The following KHDRBS2 variants were observed in gnomAD, a reference collection of about 807,000 sequenced individuals.
KHDRBS2 encodes the protein KH RNA binding domain containing, signal transduction associated 2, also known as KH domain-containing, RNA-binding, signal transduction-associated protein 2.
In KHDRBS2, 26 loss-of-function variants were observed where a neutral mutation model predicts 44.3. That is an observed-to-expected ratio of 0.59 (90% CI 0.43 to 0.81). The LOEUF is 0.81. Ranked by LOEUF, KHDRBS2 falls within the 40% of genes least tolerant of loss-of-function variation. The probability of loss-of-function intolerance (pLI) is 0.00; values close to 1 mark genes in which losing one functional copy is unlikely to be tolerated. For synonymous variants in KHDRBS2, 194 were observed against 151.1 expected (o/e 1.28, Z -2.08); for missense variants, 476 against 433.1 (o/e 1.10, Z -0.88).
At chr6:62,084,832 C>T (rs1798104121) in intron 2 of KHDRBS2, among the ~76,000 whole-genome samples, 1 of 151,792 alleles carries the variant, frequency 6.6e-6, no homozygotes, top group Admixed American at 6.6e-5. Flanking sequence ...TGTATTTCAC[C>T]CATTACAGAA....
intron 2 of KHDRBS2, among the ~76,000 whole-genome samples, chr6:62,133,276 A>G (rs1810760846): frequency 6.6e-6 from 1 of 152,110 alleles, no homozygotes; most frequent in Admixed American, 6.6e-5. Context: ...GTGGGAGATA[A>G]CTGAATCATG....
the KHDRBS2 span, among the ~76,000 whole-genome samples, chr6:61,564,103 A>G: frequency 6.6e-6 from 1 of 152,094 alleles, no homozygotes; most frequent in African/African-American, 2.4e-5. Flanking sequence ...GTCTCTGTTA[A>G]ATGCCTCAGC....
chr6:61,955,105 T>TGC (rs1554291262), intron 4 of KHDRBS2, among the ~76,000 whole-genome samples: 7 of 140,730 alleles, frequency 5.0e-5, no homozygotes, highest in African/African-American at 1.8e-4. Context: ...TATGTATATA[T>TGC]ACACATATGT....
chr6:61,674,846 G>T, the KHDRBS2 span, among the ~76,000 whole-genome samples: 6 of 151,406 alleles, frequency 4.0e-5, no homozygotes, highest in Admixed American at 2.0e-4. Flanking sequence ...TACAAACTTC[G>T]GTATTACATG....
intron 1 of KHDRBS2, among the ~76,000 whole-genome samples, chr6:62,262,333 C>A (rs1222387966): frequency 6.6e-6 from 1 of 151,770 alleles, no homozygotes; most frequent in Non-Finnish European, 1.5e-5. Context: ...ATTTCCAGCA[C>A]TTGACCTCAC....
chr6:61,781,714 A>G (rs531234139), intron 6 of KHDRBS2, among the ~76,000 whole-genome samples: 486 of 152,312 alleles, frequency 3.2e-3, no homozygotes, highest in Non-Finnish European at 5.4e-3. Flanking sequence ...AATAATGTAC[A>G]TTATAACCAT....
chr6:61,567,913 A>AT, the KHDRBS2 span, among the ~76,000 whole-genome samples: 2 of 151,944 alleles, frequency 1.3e-5, no homozygotes, highest in Non-Finnish European at 2.9e-5. Context: ...CAGAATTCAA[A>AT]TTTTTTTATC....
the KHDRBS2 span, among the ~76,000 whole-genome samples, chr6:61,546,943 G>T: frequency 6.6e-6 from 1 of 152,052 alleles, no homozygotes; most frequent in Non-Finnish European, 1.5e-5. Context: ...AAGGGTGACT[G>T]GACCCTATTC....
intron 6 of KHDRBS2, among the ~76,000 whole-genome samples, chr6:61,767,672 T>G (rs1780208962): frequency 6.6e-6 from 1 of 152,138 alleles, no homozygotes; most frequent in Non-Finnish European, 1.5e-5. Context: ...CCATGAGGCT[T>G]GTGAATAACA....
chr6:62,171,522 T>C (rs905359780), intron 2 of KHDRBS2, among the ~76,000 whole-genome samples: 6 of 152,122 alleles, frequency 3.9e-5, no homozygotes, highest in African/African-American at 1.4e-4. Flanking sequence ...GAGGATATTG[T>C]CCGCAACAAT....
At position 61,904,743 on chromosome 6, in the gene KHDRBS2, C is replaced by T. The variant is rs187544155; in HGVS notation, c.484-3372G>A. ...CCAGGGCAATCCGTAAGGATTCCAC[C>T]GCTCTTTCCTCGAGGTCAGACATTG... On this transcript the variant is annotated intron_variant, in intron 4 of 8. Transcript: ENST00000281156. Among the ~76,000 whole-genome samples the T allele has an allele frequency of 1.0e-3, 156 of 152,290 alleles. 1 individual carries two copies. Among genetic ancestry groups the T allele is most frequent in the Non-Finnish European group, 1.4e-3 (96 of 68,028 alleles).
At chr6:62,077,995 C>T (rs551385049) in intron 2 of KHDRBS2, among the ~76,000 whole-genome samples, 68 of 152,066 alleles carry the variant, frequency 4.5e-4, no homozygotes, top group African/African-American at 1.6e-3. Flanking sequence ...GGCATCATAC[C>T]ATACATTTGA....
intron 1 of KHDRBS2, among the ~76,000 whole-genome samples, chr6:62,213,643 G>A (rs965160600): frequency 6.6e-6 from 1 of 151,856 alleles, no homozygotes; most frequent in Non-Finnish European, 1.5e-5. Context: ...GGGAGGCTGA[G>A]ACGGTCGGAT....
chr6:62,086,587 A>T (rs1361049232), intron 2 of KHDRBS2, among the ~76,000 whole-genome samples: 3 of 152,182 alleles, frequency 2.0e-5, no homozygotes, highest in African/African-American at 7.2e-5. Context: ...CGAGGTGACA[A>T]GGATTCCCCT....
At chr6:62,100,974 A>G (rs1444704035) in intron 2 of KHDRBS2, among the ~76,000 whole-genome samples, 1 of 152,212 alleles carries the variant, frequency 6.6e-6, no homozygotes, top group Non-Finnish European at 1.5e-5. Flanking sequence ...TTCAACACTC[A>G]GAGCAGTCCT....
In KHDRBS2 at chr6:61,782,748, CAT is replaced by C. The variant is rs796195177; in HGVS notation, c.811-49986_811-49985del. 1.1e-3 allele frequency among the ~76,000 whole-genome samples: 141 copies of C among 132,154 alleles called. 2 individuals carry two copies. The highest frequency in any genetic ancestry group is 6.0e-3 in the East Asian group (27 of 4,502). 86.7% of individuals were successfully genotyped at this position (132,154 alleles called of 152,430 possible). On this transcript the variant is annotated intron_variant, in intron 6 of 8. Coordinates refer to ENST00000281156, the MANE Select transcript of KHDRBS2 (RefSeq NM_152688.4). ...ATATATATATATATATACACACACA[CAT>C]ATACATATACATATACATATATGTC...
chr6:61,731,347 A>G (rs145143315), intron 7 of KHDRBS2, among the ~76,000 whole-genome samples: 7 of 152,176 alleles, frequency 4.6e-5, no homozygotes, highest in Non-Finnish European at 8.8e-5. Context: ...TGGCTTCTCT[A>G]TTTAGCTTAC....
At chr6:61,720,882 G>T (rs1376880813) in intron 7 of KHDRBS2, among the ~76,000 whole-genome samples, 1 of 150,704 alleles carries the variant, frequency 6.6e-6, no homozygotes, top group South Asian at 2.1e-4. Context: ...GTAATGCCTA[G>T]GTTTTCTTCT....
chr6:61,635,031 T>C, the KHDRBS2 span, among the ~76,000 whole-genome samples: 1 of 152,010 alleles, frequency 6.6e-6, no homozygotes, highest in Non-Finnish European at 1.5e-5. Context: ...TTTAACAAAA[T>C]CAAAATTCCT....
Sources: gnomAD v4.1 joint callset for allele counts (sites outside exome capture counted in the v4.1 genomes callset) on GRCh38, gnomAD v4.1.1 for gene constraint, MANE v1.5 for transcripts, NCBI Gene and HGNC (gene_info 2026-07-23, HGNC 2026-07-21) for gene names.